NSMAF: variants seen among roughly 807,000 people sequenced by gnomAD.
The protein encoded by NSMAF is neutral sphingomyelinase activation associated factor, also known as protein FAN.
NSMAF carries 90 observed loss-of-function variants against 134.9 expected under a neutral mutation model. The observed-to-expected ratio is 0.67, with a 90% confidence interval of 0.56 to 0.79. The LOEUF (loss-of-function observed/expected upper bound fraction) is 0.79, where lower values mean the gene tolerates loss of function less well. NSMAF is among the 30% of genes least tolerant of loss of function. NSMAF has a pLI of 0.00. For missense variants in NSMAF, 1,010 were observed against 1,119.0 expected, an observed-to-expected ratio of 0.90 and a Z score of 1.39; for synonymous variants, 358 against 389.6, an observed-to-expected ratio of 0.92 and a Z score of 0.96.
intron 5 of NSMAF, 62 bp downstream of exon 5, chr8:58,635,127 A>C: frequency 1.6e-6 from 2 of 1,216,138 alleles, no homozygotes; most frequent in Non-Finnish European, 2.4e-6. Flanking sequence ...AAGTAATTTC[A>C]TTCATGCACA....
chr8:58,651,095 C>A (rs936511608), intron 1 of NSMAF, among the ~76,000 whole-genome samples: 2 of 152,214 alleles, frequency 1.3e-5, no homozygotes, highest in African/African-American at 4.8e-5. Context: ...CCTGGCAGGT[C>A]TTTCCTTTTC....
At chr8:58,641,073 C>T (rs983309381) in intron 2 of NSMAF, among the ~76,000 whole-genome samples, 1 of 151,840 alleles carries the variant, frequency 6.6e-6, no homozygotes, top group Admixed American at 6.6e-5. Context: ...AAGGGTGCAC[C>T]ACCACGCCTG....
At position 58,609,636 on chromosome 8, in the gene NSMAF, T is replaced by C. The variant is rs751178906; in HGVS notation, c.655A>G (p.Asn219Asp). The C allele has an allele frequency of 1.2e-6, 2 of 1,614,056 alleles. No homozygotes were observed. The highest frequency in any genetic ancestry group is 2.7e-5 in the African/African-American group (2 of 74,932). The change falls in exon 10 of 31, where the codon AAC (asparagine) becomes GAC (aspartate). Residue 219 changes from asparagine (N) to aspartate (D), a missense_variant. Physicochemically the swap from Asn to Asp is conservative, Grantham distance 23. Transcript: ENST00000038176. Reference sequence around the variant, plus strand: ...CCGTTGAGGGGCTGAAAATACAGGTTTGTGTCCGTGATGCACACGTGTCCA... The same window carrying C: ...CCGTTGAGGGGCTGAAAATACAGGTCTGTGTCCGTGATGCACACGTGTCCA... ...NPGHVCITDT[N>D]LYFQPLNGYP...
chr8:58,624,305 C>T (rs1388693927), intron 6 of NSMAF, among the ~76,000 whole-genome samples: 1 of 152,062 alleles, frequency 6.6e-6, no homozygotes, highest in African/African-American at 2.4e-5. Flanking sequence ...CCTCGGCCTC[C>T]CACAGTGCTG....
intron 1 of NSMAF, among the ~76,000 whole-genome samples, chr8:58,650,114 T>A (rs1158978800): frequency 1.3e-5 from 2 of 152,190 alleles, no homozygotes; most frequent in African/African-American, 2.4e-5. Flanking sequence ...TCTTCACCCA[T>A]CTTGCGAAAG....
intron 6 of NSMAF, 151 bp from the exon 7 acceptor site, chr8:58,623,931 G>T: frequency 1.6e-6 from 1 of 628,142 alleles, no homozygotes; most frequent in South Asian, 2.1e-5. Flanking sequence ...TTCTAGGGGA[G>T]CAAGTCTACA....
chr8:58,635,215 C>T lies in NSMAF; in HGVS notation c.307G>A (p.Gly103Arg). The T allele has an allele frequency of 6.2e-7, 1 of 1,611,612 alleles. No homozygotes were observed. The highest frequency in any genetic ancestry group is 8.5e-7 in the Non-Finnish European group (1 of 1,178,260). ...ANRHFTKAKS[G>R]GISLIFSQVY... Reference sequence around the variant, plus strand: ...TGACTGAAAATGAGTGAAATACCCCCAGATTTTGCCCTAAAATACAGATAA... The same window carrying T: ...TGACTGAAAATGAGTGAAATACCCCTAGATTTTGCCCTAAAATACAGATAA... Residue 103 changes from glycine (G) to arginine (R), a missense_variant, in exon 5 of 31, where the codon GGG becomes AGG. Coordinates refer to ENST00000038176, the MANE Select transcript of NSMAF (RefSeq NM_003580.4).
chr8:58,642,201 T>C (rs1416010417), intron 2 of NSMAF, among the ~76,000 whole-genome samples: 1 of 152,154 alleles, frequency 6.6e-6, no homozygotes, highest in Non-Finnish European at 1.5e-5. Context: ...TGAAGAATAA[T>C]AAAAATAAGT....
At chr8:58,616,943 A>C (rs1460807435) in intron 9 of NSMAF, among the ~76,000 whole-genome samples, 2 of 152,202 alleles carry the variant, frequency 1.3e-5, no homozygotes, top group Non-Finnish European at 2.9e-5. Context: ...AAATAGTTGG[A>C]AAATAAATTT....
intron 1 of NSMAF, among the ~76,000 whole-genome samples, chr8:58,658,699 G>C (rs1220343432): frequency 6.6e-6 from 1 of 152,180 alleles, no homozygotes; most frequent in Non-Finnish European, 1.5e-5. Flanking sequence ...GCTGCAGACC[G>C]AGCAAGTTGT....
chr8:58,625,393 C>CATAT (rs1491376161), intron 6 of NSMAF, among the ~76,000 whole-genome samples: 10 of 79,292 alleles, frequency 1.3e-4, no homozygotes, highest in South Asian at 4.0e-4. Flanking sequence ...TATGTATATG[C>CATAT]ATATGTATGT....
chr8:58,635,161 T>G, intron 5 of NSMAF, 28 bp downstream of exon 5: 1 of 1,571,992 alleles, frequency 6.4e-7, no homozygotes. Flanking sequence ...TCATTCAGAT[T>G]AGGAAAAAAT....
intron 9 of NSMAF, among the ~76,000 whole-genome samples, chr8:58,621,388 T>C (rs1806785621): frequency 6.6e-6 from 1 of 152,210 alleles, no homozygotes; most frequent in Admixed American, 6.5e-5. Context: ...GTCTTTGCTA[T>C]TAATATTTTG....
At chr8:58,634,535 C>T (rs1288287404) in intron 5 of NSMAF, among the ~76,000 whole-genome samples, 2 of 152,160 alleles carry the variant, frequency 1.3e-5, no homozygotes, top group African/African-American at 4.8e-5. Flanking sequence ...CCCCAAGGAA[C>T]GAGAGCTGTC....
intron 9 of NSMAF, among the ~76,000 whole-genome samples, chr8:58,617,716 G>A (rs1014044679): frequency 3.9e-5 from 6 of 152,146 alleles, no homozygotes; most frequent in African/African-American, 7.2e-5. Flanking sequence ...GTTGGTGGGA[G>A]TGTAAATTAG....
intron 1 of NSMAF, among the ~76,000 whole-genome samples, chr8:58,657,700 A>G (rs2129149329): frequency 2.0e-5 from 3 of 152,380 alleles, no homozygotes; most frequent in Middle Eastern, 6.8e-3. Flanking sequence ...TTGCAAAGCC[A>G]TGGGGCAGAG....
intron 6 of NSMAF, 85 bp from the exon 7 acceptor site, chr8:58,623,865 T>C (rs1250478962): frequency 2.8e-6 from 3 of 1,059,334 alleles, no homozygotes; most frequent in Non-Finnish European, 4.3e-6. Context: ...GTACAGAACC[T>C]GCTATGATAA....
rs112410678 is a variant in NSMAF, at chr8:58,600,025, C to T, written c.1281-4G>A. On this transcript the variant is annotated splice_region_variant and splice_polypyrimidine_tract_variant and intron_variant, in intron 16 of 30. Coordinates refer to ENST00000038176, the MANE Select transcript of NSMAF (RefSeq NM_003580.4). ...GTTTTTCCAAGTTTCTGCAATACTACATATGAAAAAAAAATTCACCTATTT... is the reference window on the plus strand; with the variant it reads ...GTTTTTCCAAGTTTCTGCAATACTATATATGAAAAAAAAATTCACCTATTT... 9.3e-6 allele frequency: 15 copies of T among 1,610,434 alleles called. No homozygotes were observed. Among genetic ancestry groups the T allele is most frequent in the African/African-American group, 4.0e-5 (3 of 74,758 alleles).
At chr8:58,599,645 G>A (rs892265207) in intron 18 of NSMAF, 105 bp downstream of exon 18, 3 of 1,286,478 alleles carry the variant, frequency 2.3e-6, no homozygotes, top group Non-Finnish European at 3.2e-6. Context: ...CTTATTTAGA[G>A]AATTATATTG....
Sources: gnomAD v4.1 joint callset for allele counts (sites outside exome capture counted in the v4.1 genomes callset) on GRCh38, gnomAD v4.1.1 for gene constraint, MANE v1.5 for transcripts, NCBI Gene and HGNC (gene_info 2026-07-23, HGNC 2026-07-21) for gene names.